The following ZNF81 variants were observed in gnomAD, a reference collection of about 807,000 sequenced individuals.
ZNF81 encodes zinc finger protein 81 (HFZ20).
Under a neutral mutation model 32.3 loss-of-function variants are expected in ZNF81, and 5 were observed. The ratio of observed to expected loss-of-function variants is 0.15; its 90% confidence interval spans 0.08 to 0.33. ZNF81 has a LOEUF of 0.33. ZNF81 is among the 10% of genes least tolerant of loss of function. The probability of loss-of-function intolerance (pLI) is 1.00; values close to 1 mark genes in which losing one functional copy is unlikely to be tolerated. For synonymous variants in ZNF81, 163 were observed against 166.8 expected, an observed-to-expected ratio of 0.98 and a Z score of 0.17; for missense variants, 379 against 479.8, an observed-to-expected ratio of 0.79 and a Z score of 1.96.
chrX:47,888,260 AGTAATC>A, intron 3 of ZNF81, 135 bp downstream of exon 3: 1 of 900,187 alleles, frequency 1.1e-6, no homozygotes, highest in Non-Finnish European at 1.6e-6. Flanking sequence ...TCTTTACAGA[AGTAATC>A]AAGCTAAAAT....
intron 2 of ZNF81, among the ~76,000 whole-genome samples, chrX:47,862,980 C>T (rs1300339077): frequency 9.0e-6 from 1 of 111,193 alleles, no homozygotes; most frequent in Admixed American, 9.5e-5. Flanking sequence ...CAGAACAGGA[C>T]GTTAGAGGGT....
chrX:47,902,090 ATT>A (rs1556888095), intron 4 of ZNF81, among the ~76,000 whole-genome samples: 1 of 111,385 alleles, frequency 9.0e-6, no homozygotes, highest in Non-Finnish European at 1.9e-5. Flanking sequence ...TGTTTTAATA[ATT>A]TGTTCCTTCA....
chrX:47,906,128 C>T (rs1365934835), intron 4 of ZNF81, among the ~76,000 whole-genome samples: 18 of 85,770 alleles, frequency 2.1e-4, no homozygotes, highest in Non-Finnish European at 3.7e-4. Context: ...AAGATTAAAA[C>T]TTGACCCAGT....
At chrX:47,855,537 A>T (rs932602698) in intron 2 of ZNF81, among the ~76,000 whole-genome samples, 2 of 111,319 alleles carry the variant, frequency 1.8e-5, no homozygotes, top group African/African-American at 6.5e-5. Context: ...ATTCCTCTAT[A>T]TTTGTTATTT....
chrX:47,905,409 TA>T (rs782351301), intron 4 of ZNF81, among the ~76,000 whole-genome samples: 144 of 29,463 alleles, frequency 4.9e-3, no homozygotes, highest in Middle Eastern at 0.025. Flanking sequence ...AGACTCCATC[TA>T]AAAAAAAAAA....
At chrX:47,838,094 G>T (rs1255074355) in intron 1 of ZNF81, among the ~76,000 whole-genome samples, 1 of 111,879 alleles carries the variant, frequency 8.9e-6, no homozygotes, top group Non-Finnish European at 1.9e-5. Flanking sequence ...TTTTGGAGTG[G>T]TCATAAATGG....
chrX:47,924,174 T>C lies in ZNF81; in HGVS notation c.*7542T>C, dbSNP rs2058784796. Among the ~76,000 whole-genome samples the C allele has an allele frequency of 8.9e-6, 1 of 112,294 alleles. No individual in the cohort carries two copies. The highest frequency in any genetic ancestry group is 3.2e-5 in the African/African-American group (1 of 30,891). On this transcript the variant is annotated 3_prime_UTR_variant, in exon 5 of 5. Transcript: ENST00000338637. ...AACCTTCCCCAGCTACCTCTATAAATTGTGCATGCATCCCTTATTCCATAA... is the reference window on the plus strand; with the variant it reads ...AACCTTCCCCAGCTACCTCTATAAACTGTGCATGCATCCCTTATTCCATAA...
chrX:47,844,578 A>C (rs1023456370), intron 1 of ZNF81, among the ~76,000 whole-genome samples: 3 of 112,572 alleles, frequency 2.7e-5, no homozygotes, highest in Non-Finnish European at 5.6e-5. Context: ...ATCAATTGAC[A>C]TCAAACATTT....
chrX:47,849,790 C>T (rs2058486406), intron 2 of ZNF81, among the ~76,000 whole-genome samples: 1 of 111,775 alleles, frequency 8.9e-6, no homozygotes, highest in Non-Finnish European at 1.9e-5. Context: ...CAAGAAAAAG[C>T]AGAATACCCA....
At chrX:47,873,518 T>C (rs1463602893) in intron 2 of ZNF81, among the ~76,000 whole-genome samples, 1 of 111,932 alleles carries the variant, frequency 8.9e-6, no homozygotes, top group African/African-American at 3.3e-5. Context: ...CTGGGGTCTC[T>C]ATAATCCCTC....
intron 2 of ZNF81, among the ~76,000 whole-genome samples, chrX:47,851,594 G>T (rs2058495879): frequency 9.0e-6 from 1 of 111,558 alleles, no homozygotes; most frequent in South Asian, 3.7e-4. Flanking sequence ...TTAGGGTGTT[G>T]CTATTTATGG....
chrX:47,868,166 G>A (rs898447398), intron 2 of ZNF81, among the ~76,000 whole-genome samples: 1 of 111,299 alleles, frequency 9.0e-6, no homozygotes, highest in South Asian at 3.8e-4. Context: ...GTAACACCAG[G>A]CATGTCAGTC....
intron 3 of ZNF81, among the ~76,000 whole-genome samples, chrX:47,894,822 A>G (rs1556886949): frequency 9.0e-6 from 1 of 111,687 alleles, no homozygotes; most frequent in African/African-American, 3.3e-5. Context: ...GAATGGGAAT[A>G]TCTATCCTAT....
chrX:47,861,673 G>A (rs1430509065), intron 2 of ZNF81, among the ~76,000 whole-genome samples: 2 of 112,000 alleles, frequency 1.8e-5, no homozygotes, highest in African/African-American at 6.5e-5. Context: ...TAACCCTTAG[G>A]GTTCCAGGCC....
rs782388738 is a variant in ZNF81 at position 47,916,254 on chromosome X, C to T, written c.1608C>T (p.Thr536=). Reference sequence around the variant, plus strand: ...GTGCTGAATGTGGGAAGGCCTTCACCGACAGGTCAAATTTCAATAAACACC... The same window carrying T: ...GTGCTGAATGTGGGAAGGCCTTCACTGACAGGTCAAATTTCAATAAACACC... ...YICAECGKAF[T]DRSNFNKHQT... The change falls in exon 5 of 5, where the codon ACC becomes ACT. Residue 536 remains threonine (T), a synonymous_variant. Transcript: ENST00000338637. 9.1e-6 allele frequency: 11 copies of T among 1,208,953 alleles called. No individual in the cohort carries two copies. Among genetic ancestry groups the T allele is most frequent in the Admixed American group, 4.4e-5 (2 of 45,592 alleles).
At chrX:47,852,187 G>A (rs2058498372) in intron 2 of ZNF81, among the ~76,000 whole-genome samples, 1 of 112,354 alleles carries the variant, frequency 8.9e-6, no homozygotes, top group African/African-American at 3.2e-5. Flanking sequence ...ACTACAAAAT[G>A]GTAACAATCA....
rs1213488171 is a variant in ZNF81, at chrX:47,844,857, CTTA to C, written c.-163-1246_-163-1244del. On this transcript the variant is annotated intron_variant, in intron 1 of 4. Coordinates refer to ENST00000338637, the MANE Select transcript of ZNF81 (RefSeq NM_007137.5). Reference sequence around the variant, plus strand: ...CCAACACTTGTTACTGTCTTTTCTTCTTATGTTAGCCATTTTAGTGGATGTGAC... The same window carrying C: ...CCAACACTTGTTACTGTCTTTTCTTCTGTTAGCCATTTTAGTGGATGTGAC... Among the ~76,000 whole-genome samples, 3 of 112,395 alleles carry C rather than the reference CTTA, an allele frequency of 2.7e-5. No homozygotes were observed. The East Asian group carries it at 8.3e-4, about 31-fold the overall frequency.
chrX:47,894,759 G>T (rs782753081), intron 3 of ZNF81, among the ~76,000 whole-genome samples: 68 of 111,306 alleles, frequency 6.1e-4, no homozygotes, highest in African/African-American at 2.2e-3. Flanking sequence ...TCCCTGCTAG[G>T]TTTCAGACTT....
At chrX:47,892,058 C>G (rs782016257) in intron 3 of ZNF81, among the ~76,000 whole-genome samples, 2 of 111,116 alleles carry the variant, frequency 1.8e-5, no homozygotes, top group Admixed American at 1.9e-4. Flanking sequence ...GTTCACTTGA[C>G]CTAGAATTCC....
Sources: allele counts gnomAD v4.1 joint callset (sites outside exome capture counted in the v4.1 genomes callset), GRCh38; gene constraint gnomAD v4.1.1; transcripts MANE v1.5; gene names NCBI Gene and HGNC (gene_info 2026-07-23, HGNC 2026-07-21).